SGCD: variants seen among roughly 807,000 people sequenced by gnomAD.
The protein encoded by SGCD is delta-sarcoglycan.
SGCD carries 18 observed loss-of-function variants against 36.6 expected under a neutral mutation model. The observed-to-expected ratio is 0.49, with a 90% CI of 0.34 to 0.73. SGCD has a LOEUF of 0.73. Ranked by LOEUF, SGCD falls within the 30% of genes least tolerant of loss-of-function variation. The pLI, the probability that SGCD is intolerant of heterozygous loss-of-function variation, is 0.01. For synonymous variants in SGCD, 133 were observed against 130.6 expected, an observed-to-expected ratio of 1.02 and a Z score of -0.12; for missense variants, 387 against 346.7, an observed-to-expected ratio of 1.12 and a Z score of -0.92.
At chr5:156,197,080 GT>G (rs1375400488) in intron 3 of SGCD, among the ~76,000 whole-genome samples, 1 of 152,108 alleles carries the variant, frequency 6.6e-6, no homozygotes. Flanking sequence ...AGATATTTAT[GT>G]TGTTTTTAAT....
intron 6 of SGCD, among the ~76,000 whole-genome samples, chr5:156,612,618 T>G (rs1280640755): frequency 3.9e-5 from 6 of 152,188 alleles, no homozygotes; most frequent in Non-Finnish European, 8.8e-5. Flanking sequence ...TTGGATGGAT[T>G]TTAAGGCAGC....
At chr5:155,893,319 T>C (rs1561641323) in intron 1 of SGCD, among the ~76,000 whole-genome samples, 1 of 152,112 alleles carries the variant, frequency 6.6e-6, no homozygotes, top group Non-Finnish European at 1.5e-5. Context: ...AAAATAAAGC[T>C]CTGGAGCTGA....
the SGCD span, among the ~76,000 whole-genome samples, chr5:155,743,423 A>G: frequency 1.3e-5 from 2 of 152,208 alleles, no homozygotes; most frequent in African/African-American, 4.8e-5. Flanking sequence ...GTCTCAGAAA[A>G]CAGGTCAGAG....
chr5:155,790,690 T>C, the SGCD span, among the ~76,000 whole-genome samples: 2 of 152,108 alleles, frequency 1.3e-5, no homozygotes, highest in African/African-American at 4.8e-5. Flanking sequence ...TTCCTTCAGG[T>C]CTATGCATCA....
At chr5:156,177,851 A>G (rs1045594925) in intron 3 of SGCD, among the ~76,000 whole-genome samples, 1 of 152,180 alleles carries the variant, frequency 6.6e-6, no homozygotes, top group Non-Finnish European at 1.5e-5. Context: ...GGCATTGACC[A>G]ATTTGACAAG....
intron 3 of SGCD, among the ~76,000 whole-genome samples, chr5:156,505,938 A>C (rs1385375177): frequency 6.6e-6 from 1 of 152,182 alleles, no homozygotes; most frequent in Non-Finnish European, 1.5e-5. Context: ...TTGGACTTTA[A>C]AAAAACAGTC....
At chr5:156,471,843 G>T (rs1250502302) in intron 3 of SGCD, among the ~76,000 whole-genome samples, 1 of 151,822 alleles carries the variant, frequency 6.6e-6, no homozygotes, top group Non-Finnish European at 1.5e-5. Flanking sequence ...AAATGAAAGG[G>T]CACAAAAGAC....
At chr5:156,720,449 T>G (rs1200220706) in intron 7 of SGCD, among the ~76,000 whole-genome samples, 1 of 152,194 alleles carries the variant, frequency 6.6e-6, no homozygotes, top group East Asian at 1.9e-4. Context: ...GTCCTGAGGA[T>G]GTATCATGCT....
At chr5:155,766,297 C>G in the SGCD span, among the ~76,000 whole-genome samples, 10 of 152,100 alleles carry the variant, frequency 6.6e-5, no homozygotes, top group Non-Finnish European at 1.5e-4. Context: ...ACAGCGGCTA[C>G]CTAAAGAAGA....
the SGCD span, among the ~76,000 whole-genome samples, chr5:155,749,865 C>T: frequency 3.3e-5 from 5 of 152,182 alleles, no homozygotes; most frequent in African/African-American, 1.2e-4. Context: ...CCTGCACATT[C>T]CACAATTATG....
intron 6 of SGCD, among the ~76,000 whole-genome samples, chr5:156,635,951 G>A (rs539593890): frequency 2.3e-4 from 35 of 152,062 alleles, no homozygotes; most frequent in African/African-American, 7.2e-4. Context: ...CGAGTTAATG[G>A]GTGCAGCACA....
In SGCD at chr5:156,508,715, T is replaced by C. The variant is rs773089484; in HGVS notation, c.294+13T>C. 6.9e-7 allele frequency: 1 copy of C among 1,456,216 alleles called. No individual in the cohort carries two copies. Among genetic ancestry groups the C allele is most frequent in the Non-Finnish European group, 9.6e-7 (1 of 1,045,566 alleles). The allele number at this position is 1,456,216 out of a possible 1,614,324, so 90.2% of individuals were successfully genotyped here. A position where few individuals can be genotyped will look rare whatever the true frequency, so the allele number is the denominator to read the frequency against. The stretch of plus-strand genomic sequence containing the variant: ...CCAGTCCCGACCAGTAAGTTTCTGC[T>C]GAGAGAAGGAGGCATTATTGTTGCT... On this transcript the variant is annotated intron_variant, in intron 4 of 8. Coordinates refer to ENST00000337851, the MANE Select transcript of SGCD (RefSeq NM_000337.6).
rs548883637 is a variant in SGCD, at chr5:155,871,409, G to C, written c.-282+985G>C. On this transcript the variant is annotated intron_variant, in intron 1 of 9. Transcript: ENST00000517913. ...TCTGCCGAAGTCCTTATTTAATTCA[G>C]AGAAACTTTATTAGAGATTTGTGAC... is the stretch of plus-strand genomic sequence containing the variant. Among the ~76,000 whole-genome samples, 20 of 152,198 alleles carry C rather than the reference G, an allele frequency of 1.3e-4. 1 individual carries two copies. In the South Asian group the frequency reaches 2.5e-3, roughly 19 times the overall value.
chr5:156,552,618 A>G (rs1324336394), intron 4 of SGCD, among the ~76,000 whole-genome samples: 2 of 152,196 alleles, frequency 1.3e-5, no homozygotes, highest in African/African-American at 4.8e-5. Flanking sequence ...GGAACATCCT[A>G]CCAAGAATAA....
intron 3 of SGCD, among the ~76,000 whole-genome samples, chr5:156,414,339 C>A (rs1350732961): frequency 6.6e-6 from 1 of 152,090 alleles, no homozygotes; most frequent in Non-Finnish European, 1.5e-5. Flanking sequence ...TTTTAAATGT[C>A]CATCAATTGG....
At position 156,528,054 on chromosome 5, in the gene SGCD, GT is replaced by G. The variant is rs374341090; in HGVS notation, c.294+19355del. 4.5e-3 allele frequency among the ~76,000 whole-genome samples: 688 copies of G among 152,190 alleles called. 4 individuals carry two copies. Among genetic ancestry groups the G allele is most frequent in the African/African-American group, 0.014 (573 of 41,528 alleles). On this transcript the variant is annotated intron_variant, in intron 4 of 8. Coordinates refer to ENST00000337851, the MANE Select transcript of SGCD (RefSeq NM_000337.6). ...TAATTATATATTTTTACATTTACCT[GT>G]TTGTTTGTTTCCACTATTACTTTAT...
chr5:155,964,425 A>G (rs894232186), intron 1 of SGCD, among the ~76,000 whole-genome samples: 2 of 151,784 alleles, frequency 1.3e-5, no homozygotes, highest in African/African-American at 4.8e-5. Flanking sequence ...TGCAACCTCC[A>G]CCTCCTGAGT....
the SGCD span, among the ~76,000 whole-genome samples, chr5:155,853,032 AAAT>A: frequency 6.6e-6 from 1 of 152,042 alleles, no homozygotes; most frequent in Non-Finnish European, 1.5e-5. Context: ...TCCATAGGCT[AAAT>A]ATCCAAGCTC....
At chr5:156,248,381 G>A (rs1173955424) in intron 3 of SGCD, among the ~76,000 whole-genome samples, 3 of 152,100 alleles carry the variant, frequency 2.0e-5, no homozygotes, top group African/African-American at 4.8e-5. Flanking sequence ...TTACCCGGGC[G>A]TGGTAGCATG....
Sources: allele counts gnomAD v4.1 joint callset (sites outside exome capture counted in the v4.1 genomes callset), GRCh38; gene constraint gnomAD v4.1.1; transcripts MANE v1.5; gene names NCBI Gene and HGNC (gene_info 2026-07-23, HGNC 2026-07-21).